Variants in NRXN2 observed in about 807,000 individuals in gnomAD.
NRXN2 encodes neurexin-2-beta.
In NRXN2, 29 loss-of-function variants were observed where a neutral mutation model predicts 128.8. That is an observed-to-expected ratio of 0.23 (90% CI 0.17 to 0.31). The LOEUF is 0.31. Ranked by LOEUF, NRXN2 falls within the 10% of genes least tolerant of loss-of-function variation. The pLI, the probability that NRXN2 is intolerant of heterozygous loss-of-function variation, is 1.00. For synonymous variants in NRXN2, 1,098 were observed against 1,075.2 expected, an observed-to-expected ratio of 1.02 and a Z score of -0.41; for missense variants, 1,881 against 2,452.6, an observed-to-expected ratio of 0.77 and a Z score of 4.92.
Position 64,607,133 on chromosome 11 carries a change from T to G in NRXN2, c.*63A>C. 1 of 1,548,948 alleles carries G rather than the reference T, an allele frequency of 6.5e-7. No individual in the cohort carries two copies. Among genetic ancestry groups the G allele is most frequent in the Non-Finnish European group, 8.8e-7 (1 of 1,136,804 alleles). On this transcript the variant is annotated 3_prime_UTR_variant, in exon 23 of 23. Coordinates refer to ENST00000265459, the MANE Select transcript of NRXN2 (RefSeq NM_015080.4). ...CCCCAGGCCCCTGGCAGGGAGAGGG[T>G]GGCACCCTCCTCCCGGGCCCTCCCA...
At chr11:64,649,413 C>T (rs999775365) in intron 15 of NRXN2, among the ~76,000 whole-genome samples, 11 of 152,272 alleles carry the variant, frequency 7.2e-5, no homozygotes, top group African/African-American at 2.6e-4. Flanking sequence ...CTCCGCAACA[C>T]CTGATCCCCT....
intron 17 of NRXN2, chr11:64,643,006 A>G: frequency 2.0e-6 from 2 of 1,007,330 alleles, no homozygotes; most frequent in Non-Finnish European, 2.4e-6. Context: ...GCGGAGCGGC[A>G]ACGCCAAGGT....
rs774610172 is a variant in NRXN2 at position 64,648,176 on chromosome 11, C to T, written c.3403+43G>A. 5.6e-6 allele frequency: 9 copies of T among 1,613,644 alleles called. No individual in the cohort carries two copies. The highest frequency in any genetic ancestry group is 1.3e-5 in the African/African-American group (1 of 74,922). Reference sequence around the variant, plus strand: ...GGCAGCCCCTATGGCTGGGAATGGACCCTGGTCTCCCCAAACTGCCCCCAG... The same window carrying T: ...GGCAGCCCCTATGGCTGGGAATGGATCCTGGTCTCCCCAAACTGCCCCCAG... On this transcript the variant is annotated intron_variant, in intron 17 of 22. Coordinates refer to ENST00000265459, the MANE Select transcript of NRXN2 (RefSeq NM_015080.4). This position sits in a 1 kb window ranked among gnomAD's most constrained non-coding sequence, Gnocchi z 4.1.
chr11:64,650,500 G>A lies in NRXN2; in HGVS notation c.3057C>T (p.Asp1019=), dbSNP rs749757001. 3 of 1,614,112 alleles carry A rather than the reference G, an allele frequency of 1.9e-6. No individual in the cohort carries two copies. Among genetic ancestry groups the A allele is most frequent in the South Asian group, 1.1e-5 (1 of 91,092 alleles). The change falls in exon 15 of 23, where the codon GAC becomes GAT. Residue 1019 remains aspartate, a synonymous_variant. Transcript: ENST00000265459. ...DPGNVHTLKI[D]SRTVTQHSNG... ...TGGAGTGCTGCGTGACAGTGCGGGA[G>A]TCAATCTTGAGCGTGTGCACGTTGC...
At position 64,692,871 on chromosome 11, in the gene NRXN2, C is replaced by T. The variant is rs1293915071; in HGVS notation, c.754G>A (p.Ala252Thr). 6.2e-7 allele frequency: 1 copy of T among 1,611,272 alleles called. No homozygotes were observed. The change falls in exon 4 of 23, where the codon GCT becomes ACT. Residue 252 changes from alanine to threonine, a missense_variant. By Grantham distance (58) the Ala-to-Thr change is moderately conservative. This residue lies in a region of NRXN2 where 997 missense variants were observed against 1,240.8 expected (regional missense o/e 0.80). Coordinates refer to ENST00000265459, the MANE Select transcript of NRXN2 (RefSeq NM_015080.4). ...CCTTCGCTGTTTAACGTCAGGTGAG[C>T]CGGACCTTGGAAAGGGGAAGGAGAG... ...SEEEHPMEGP[A>T]HLTLNSEVGS...
At chr11:64,700,157 C>A (rs539618082) in intron 2 of NRXN2, among the ~76,000 whole-genome samples, 4 of 152,304 alleles carry the variant, frequency 2.6e-5, no homozygotes, top group Admixed American at 2.6e-4. Flanking sequence ...TCTTACTTCT[C>A]CTCGCTCTCC....
At chr11:64,675,504 C>T (rs2051184294) in intron 7 of NRXN2, 1 of 152,216 alleles carries the variant, frequency 6.6e-6, no homozygotes, top group Non-Finnish European at 1.5e-5. Flanking sequence ...GGCAGCTGCC[C>T]CACGGGAGCA....
At chr11:64,716,891 C>G (rs185478508) in intron 1 of NRXN2, among the ~76,000 whole-genome samples, 1 of 152,142 alleles carries the variant, frequency 6.6e-6, no homozygotes, top group African/African-American at 2.4e-5. Flanking sequence ...TCCATTCCCC[C>G]GCCCAGTGTC....
chr11:64,622,705 A>C lies in NRXN2; in HGVS notation c.4173+48T>G, dbSNP rs556961077. 32 of 1,580,254 alleles carry C rather than the reference A, an allele frequency of 2.0e-5. No individual in the cohort carries two copies. The African/African-American group carries it at 4.0e-4, about 20-fold the overall frequency. On this transcript the variant is annotated intron_variant, in intron 21 of 22. Transcript: ENST00000265459. This position sits in a 1 kb window ranked among gnomAD's most constrained non-coding sequence, Gnocchi z 4.3. The stretch of plus-strand genomic sequence containing the variant: ...CTGTGGCTATGCAGATATCAACCCC[A>C]TCCCCACCTATCCCTGCCCTAATCC...
intron 2 of NRXN2, among the ~76,000 whole-genome samples, chr11:64,705,925 C>A (rs555119933): frequency 6.8e-6 from 1 of 147,140 alleles, no homozygotes; most frequent in East Asian, 2.0e-4. Flanking sequence ...CTGCCACTAC[C>A]CTTCCTTGCC....
chr11:64,689,890 C>T (rs2053577431), intron 5 of NRXN2, among the ~76,000 whole-genome samples: 1 of 152,190 alleles, frequency 6.6e-6, no homozygotes, highest in South Asian at 2.1e-4. Flanking sequence ...TCCTTGAGGA[C>T]TTGTTATAGT....
Position 64,648,601 on chromosome 11 carries a change from G to A in NRXN2, c.3283+133C>T, listed in dbSNP as rs765146500. On this transcript the variant is annotated intron_variant, in intron 16 of 22. Coordinates refer to ENST00000265459, the MANE Select transcript of NRXN2 (RefSeq NM_015080.4). The surrounding 1 kb of genome is among the most constrained non-coding windows in gnomAD (Gnocchi z 4.1). Reference sequence around the variant, plus strand: ...ACCTGTATCCCTGCCCCAGAACTGTGGGGGCAAGCTCCCATAAGGCCTGAG... The same window carrying A: ...ACCTGTATCCCTGCCCCAGAACTGTAGGGGCAAGCTCCCATAAGGCCTGAG... 9 of 1,261,784 alleles carry A rather than the reference G, an allele frequency of 7.1e-6. No individual in the cohort carries two copies. The highest frequency in any genetic ancestry group is 1.5e-5 in the African/African-American group (1 of 67,754). 78.2% of individuals were successfully genotyped at this position (1,261,784 alleles called of 1,614,324 possible).
chr11:64,616,464 C>T (rs2041542212), intron 22 of NRXN2, among the ~76,000 whole-genome samples: 1 of 152,178 alleles, frequency 6.6e-6, no homozygotes, highest in African/African-American at 2.4e-5. Context: ...CCTGTCTGAA[C>T]ATGCATGTAG....
rs958069781 is a variant in NRXN2, at chr11:64,647,239, A to G, written c.3403+980T>C. On this transcript the variant is annotated intron_variant, in intron 17 of 22. Coordinates refer to ENST00000265459, the MANE Select transcript of NRXN2 (RefSeq NM_015080.4). ...TGTGTGTGTGTGTGTGTGTGTGTGCATGTGTGTGTGCGTGCCTGTGTGTGT... is the reference window on the plus strand; with the variant it reads ...TGTGTGTGTGTGTGTGTGTGTGTGCGTGTGTGTGTGCGTGCCTGTGTGTGT... Among the ~76,000 whole-genome samples the G allele has an allele frequency of 2.6e-4, 37 of 143,298 alleles. No individual in the cohort carries two copies. In the South Asian group the frequency reaches 4.9e-3, roughly 19 times the overall value. 94.0% of individuals were successfully genotyped at this position (143,298 alleles called of 152,430 possible). A position where few individuals can be genotyped will look rare whatever the true frequency, so the allele number is the denominator to read the frequency against.
At chr11:64,705,738 G>A (rs954729596) in intron 2 of NRXN2, among the ~76,000 whole-genome samples, 20 of 151,690 alleles carry the variant, frequency 1.3e-4, no homozygotes, top group Non-Finnish European at 2.2e-4. Context: ...ATGATCTATT[G>A]TGCCAAGCCT....
At chr11:64,712,918 C>T (rs914644064) in intron 2 of NRXN2, 52 bp downstream of exon 2, 1 of 1,461,834 alleles carries the variant, frequency 6.8e-7, no homozygotes, top group South Asian at 1.3e-5. Context: ...CGAAGCGCCC[C>T]AGGCCCTCAC....
chr11:64,678,252 A>G (rs965022773), intron 6 of NRXN2, among the ~76,000 whole-genome samples: 4 of 151,816 alleles, frequency 2.6e-5, no homozygotes, highest in South Asian at 2.1e-4. Context: ...TCTCCTCCCC[A>G]TCTCCCACCC....
chr11:64,719,011 T>C (rs114198652), intron 1 of NRXN2, among the ~76,000 whole-genome samples: 82 of 152,354 alleles, frequency 5.4e-4, no homozygotes, highest in African/African-American at 1.9e-3. Flanking sequence ...CTTCACTTTC[T>C]TTATGTATAA....
chr11:64,618,959 C>T (rs1565193498), intron 22 of NRXN2, among the ~76,000 whole-genome samples: 1 of 152,156 alleles, frequency 6.6e-6, no homozygotes, highest in Admixed American at 6.5e-5. Context: ...GTTTTTGAAG[C>T]TGAGCCTCTG....
Sources: allele counts gnomAD v4.1 joint callset (sites outside exome capture counted in the v4.1 genomes callset), GRCh38; gene constraint gnomAD v4.1.1; regional missense constraint gnomAD v4.1.1; non-coding constraint Gnocchi (gnomAD v3.1); transcripts MANE v1.5; gene names NCBI Gene and HGNC (gene_info 2026-07-23, HGNC 2026-07-21).